Variants in SMC6 observed in about 807,000 individuals in gnomAD.
SMC6 encodes structural maintenance of chromosomes protein 6.
SMC6 carries 79 observed loss-of-function variants against 142.2 expected under a neutral mutation model. That is an observed-to-expected ratio of 0.56 (90% CI 0.46 to 0.67). SMC6 has a LOEUF of 0.67. SMC6 is among the 30% of genes least tolerant of loss of function. The probability of loss-of-function intolerance (pLI) is 0.00; values close to 1 mark genes in which losing one functional copy is unlikely to be tolerated. For synonymous variants in SMC6, 411 were observed against 412.4 expected (o/e 1.00, Z 0.04); for missense variants, 1,072 against 1,284.0 (o/e 0.83, Z 2.52).
At chr2:17,686,640 C>G (rs1047823194) in intron 23 of SMC6, among the ~76,000 whole-genome samples, 1 of 152,050 alleles carries the variant, frequency 6.6e-6, no homozygotes, top group African/African-American at 2.4e-5. Context: ...TTCAGTGCCC[C>G]CAAGGGAAAA....
chr2:17,684,366 C>G (rs1300122779), intron 23 of SMC6, among the ~76,000 whole-genome samples: 1 of 152,038 alleles, frequency 6.6e-6, no homozygotes, highest in African/African-American at 2.4e-5. Flanking sequence ...GAAAATTCAA[C>G]TAATTAAAAA....
intron 12 of SMC6, 96 bp from the exon 13 acceptor site, chr2:17,717,272 A>G (rs1669139581): frequency 1.4e-6 from 1 of 731,240 alleles, no homozygotes; most frequent in Non-Finnish European, 2.1e-6. Flanking sequence ...GAATATATAC[A>G]GGAATATATT....
chr2:17,669,362 G>T (rs1219875806), intron 26 of SMC6, among the ~76,000 whole-genome samples: 1 of 152,178 alleles, frequency 6.6e-6, no homozygotes, highest in Non-Finnish European at 1.5e-5. Flanking sequence ...AGGATGTGGT[G>T]CTATGAGTTG....
At chr2:17,709,513 A>T (rs1354669505) in intron 16 of SMC6, among the ~76,000 whole-genome samples, 2 of 152,226 alleles carry the variant, frequency 1.3e-5, no homozygotes, top group African/African-American at 4.8e-5. Context: ...TGGTGGTAGC[A>T]TTCTTAGTGC....
At chr2:17,718,357 A>G in intron 11 of SMC6, 134 bp from the exon 12 acceptor site, 1 of 515,130 alleles carries the variant, frequency 1.9e-6, no homozygotes, top group Non-Finnish European at 3.2e-6. Flanking sequence ...ACATAACATA[A>G]CATTATATAA....
chr2:17,683,258 C>G (rs983967869), intron 24 of SMC6, among the ~76,000 whole-genome samples: 1 of 152,120 alleles, frequency 6.6e-6, no homozygotes, highest in Non-Finnish European at 1.5e-5. Context: ...CATGGAGCTA[C>G]GTCATTCTAG....
In SMC6 at chr2:17,714,980, A is replaced by G. The variant is rs1181542841; in HGVS notation, c.1611T>C (p.His537=). The G allele has an allele frequency of 3.7e-6, 6 of 1,613,974 alleles. No individual in the cohort carries two copies. In the Admixed American group the frequency reaches 8.3e-5, roughly 22 times the overall value. Residue 537 remains histidine, a synonymous_variant, in exon 16 of 28, where the codon CAT becomes CAC. Coordinates refer to ENST00000448223, the MANE Select transcript of SMC6 (RefSeq NM_001142286.2). ...LKGLLQAYCC[H]NHADERVLQA... is the part of the protein sequence containing the mutation. ...GAAGGACCCTTTCATCAGCATGATTATGGCAACAATAGGCCTGCAGAAGCC... is the reference window on the plus strand; with the variant it reads ...GAAGGACCCTTTCATCAGCATGATTGTGGCAACAATAGGCCTGCAGAAGCC...
At chr2:17,736,268 A>G (rs555259359) in intron 5 of SMC6, among the ~76,000 whole-genome samples, 1 of 152,252 alleles carries the variant, frequency 6.6e-6, no homozygotes, top group African/African-American at 2.4e-5. Flanking sequence ...ATTTCCCCCA[A>G]TTTTGTACTG....
intron 23 of SMC6, among the ~76,000 whole-genome samples, chr2:17,694,264 T>C (rs774298868): frequency 1.3e-5 from 2 of 152,126 alleles, no homozygotes; most frequent in African/African-American, 4.8e-5. Flanking sequence ...CGCAGTTAGA[T>C]AGAATAAGTT....
chr2:17,677,953 T>C (rs1667073536), intron 25 of SMC6, among the ~76,000 whole-genome samples: 1 of 152,226 alleles, frequency 6.6e-6, no homozygotes, highest in Admixed American at 6.5e-5. Flanking sequence ...GGTAATTATT[T>C]GAAAATTCTG....
intron 16 of SMC6, among the ~76,000 whole-genome samples, chr2:17,711,808 G>A (rs1216325943): frequency 3.3e-5 from 5 of 151,776 alleles, no homozygotes; most frequent in East Asian, 1.9e-4. Context: ...AGGTAGAAAC[G>A]GCGTTTCACC....
intron 23 of SMC6, among the ~76,000 whole-genome samples, chr2:17,684,207 G>A (rs550892801): frequency 6.6e-6 from 1 of 152,246 alleles, no homozygotes; most frequent in Admixed American, 6.5e-5. Context: ...AGATCAAAGA[G>A]GCAGAGATGG....
At chr2:17,702,691 C>G (rs1480805761) in intron 19 of SMC6, among the ~76,000 whole-genome samples, 1 of 152,106 alleles carries the variant, frequency 6.6e-6, no homozygotes, top group African/African-American at 2.4e-5. Context: ...ATGGAGGCAG[C>G]TTCCCCCCTA....
intron 23 of SMC6, among the ~76,000 whole-genome samples, chr2:17,684,945 C>T (rs909388746): frequency 3.3e-5 from 5 of 151,878 alleles, no homozygotes; most frequent in Non-Finnish European, 5.9e-5. Context: ...AGGTAATAAT[C>T]AAACAAGAGG....
chr2:17,753,316 G>A (rs1302601069), intron 1 of SMC6, among the ~76,000 whole-genome samples: 1 of 48,734 alleles, frequency 2.1e-5, no homozygotes, highest in Non-Finnish European at 4.5e-5. Context: ...CCACAGCCCG[G>A]GAGAGTCTGG....
chr2:17,734,111 G>C (rs969007919), intron 5 of SMC6, among the ~76,000 whole-genome samples: 1 of 152,072 alleles, frequency 6.6e-6, no homozygotes, highest in Non-Finnish European at 1.5e-5. Context: ...AAACCAATGG[G>C]AGGGAGAGGA....
chr2:17,693,700 A>C (rs544168822), intron 23 of SMC6, among the ~76,000 whole-genome samples: 7 of 151,866 alleles, frequency 4.6e-5, no homozygotes, highest in African/African-American at 1.7e-4. Context: ...ATAAAAAATA[A>C]AAAAAAAGAA....
At chr2:17,690,386 A>C (rs953899305) in intron 23 of SMC6, among the ~76,000 whole-genome samples, 7 of 152,148 alleles carry the variant, frequency 4.6e-5, no homozygotes, top group Admixed American at 3.3e-4. Flanking sequence ...TGAGGTGAGG[A>C]GTTCGAGACC....
chr2:17,748,834 C>A (rs1328597277), intron 2 of SMC6, among the ~76,000 whole-genome samples: 2 of 152,214 alleles, frequency 1.3e-5, no homozygotes, highest in Non-Finnish European at 2.9e-5. Context: ...AGCACTCAGA[C>A]ATAAGCTAAT....
Sources: gnomAD v4.1 joint callset for allele counts (sites outside exome capture counted in the v4.1 genomes callset) on GRCh38, gnomAD v4.1.1 for gene constraint, MANE v1.5 for transcripts, NCBI Gene and HGNC (gene_info 2026-07-23, HGNC 2026-07-21) for gene names.